Variants in TP53I11 observed in about 807,000 individuals in gnomAD.
TP53I11 encodes tumor protein p53-inducible protein 11.
TP53I11 carries 9 observed loss-of-function variants against 23.3 expected under a neutral mutation model. That is an observed-to-expected ratio of 0.39 (90% confidence interval 0.23 to 0.67). The LOEUF is 0.67. Ranked by LOEUF, TP53I11 falls within the 30% of genes least tolerant of loss-of-function variation. The pLI, the probability that TP53I11 is intolerant of heterozygous loss-of-function variation, is 0.48. For missense variants in TP53I11, 170 were observed against 255.2 expected, an observed-to-expected ratio of 0.67 and a Z score of 2.27; for synonymous variants, 100 against 106.1, an observed-to-expected ratio of 0.94 and a Z score of 0.35.
intron 1 of TP53I11, chr11:44,943,271 C>T: frequency 6.6e-6 from 1 of 152,398 alleles, no homozygotes; most frequent in Non-Finnish European, 1.5e-5. Context: ...CTCAGCCGTG[C>T]ACAGTGGAAA....
chr11:44,943,964 T>G (rs1168140561), intron 1 of TP53I11, among the ~76,000 whole-genome samples: 2 of 152,036 alleles, frequency 1.3e-5, no homozygotes, highest in Non-Finnish European at 2.9e-5. Context: ...CCAGGCCACA[T>G]GGAAGCTGGT....
intron 1 of TP53I11, 190 bp from the exon 2 acceptor site, chr11:44,938,556 G>A: frequency 1.7e-6 from 1 of 593,730 alleles, no homozygotes; most frequent in Non-Finnish European, 2.7e-6. Flanking sequence ...CCAGGCCCCT[G>A]AGGCTCTGGG....
intron 1 of TP53I11, among the ~76,000 whole-genome samples, chr11:44,945,974 T>A (rs896813527): frequency 6.6e-6 from 1 of 152,164 alleles, no homozygotes; most frequent in Non-Finnish European, 1.5e-5. Context: ...TGAATCCACT[T>A]GTCAATGGCT....
At chr11:44,945,930 T>C (rs974560633) in intron 1 of TP53I11, among the ~76,000 whole-genome samples, 1 of 152,192 alleles carries the variant, frequency 6.6e-6, no homozygotes, top group African/African-American at 2.4e-5. Context: ...AGAGATCCCC[T>C]AGCCCAGAAT....
At chr11:44,935,042 C>T in intron 6 of TP53I11, 25 bp from the exon 7 acceptor site, 1 of 1,612,372 alleles carries the variant, frequency 6.2e-7, no homozygotes, top group Non-Finnish European at 8.5e-7. Context: ...CCAGCAAGGC[C>T]ACAGGGTCAG....
intron 1 of TP53I11, among the ~76,000 whole-genome samples, chr11:44,942,047 A>C: frequency 7.3e-6 from 1 of 136,408 alleles, no homozygotes; most frequent in Non-Finnish European, 1.5e-5. Flanking sequence ...ACACATACAC[A>C]CCACACACAC....
intron 6 of TP53I11, 78 bp downstream of exon 6, chr11:44,935,483 A>AG: frequency 1.5e-6 from 2 of 1,343,752 alleles, no homozygotes; most frequent in Non-Finnish European, 2.1e-6. Flanking sequence ...CACTTCCCAC[A>AG]CACCCAGGTG....
rs1318063604 is a variant in TP53I11 at position 44,937,287 on chromosome 11, TG to T, written c.237+16del. ...CCACACGGGGCCAGATCTCAGGGGC[TG>T]GGGGTGGGGGCTCACCATGATGGCA... is the stretch of plus-strand genomic sequence containing the variant. On this transcript the variant is annotated intron_variant, in intron 4 of 6. Transcript: ENST00000525680. 9.9e-6 allele frequency: 15 copies of T among 1,519,218 alleles called. No homozygotes were observed. 94.1% of individuals were successfully genotyped at this position (1,519,218 alleles called of 1,614,324 possible). A position where few individuals can be genotyped will look rare whatever the true frequency, so the allele number is the denominator to read the frequency against.
At chr11:44,935,458 C>A in intron 6 of TP53I11, 103 bp downstream of exon 6, 2 of 1,066,476 alleles carry the variant, frequency 1.9e-6, no homozygotes, top group Non-Finnish European at 1.4e-6. Context: ...TAGCCCCCCA[C>A]AGACAGGTTT....
At chr11:44,938,846 C>A (rs1053786592) in intron 1 of TP53I11, among the ~76,000 whole-genome samples, 3 of 152,144 alleles carry the variant, frequency 2.0e-5, no homozygotes, top group Non-Finnish European at 4.4e-5. Flanking sequence ...GCCGGTGAGC[C>A]CCTCTCCCGT....
At chr11:44,940,813 A>G (rs1336243297) in intron 1 of TP53I11, 2 of 152,192 alleles carry the variant, frequency 1.3e-5, no homozygotes, top group Non-Finnish European at 2.9e-5. Context: ...TTTCAGAGAA[A>G]GCATCAAACT....
chr11:44,938,572 G>C (rs1349609466), intron 1 of TP53I11, among the ~76,000 whole-genome samples: 1 of 152,216 alleles, frequency 6.6e-6, no homozygotes, highest in Non-Finnish European at 1.5e-5. Context: ...CTGGGAGCTG[G>C]TCTGCTGTAG....
At chr11:44,940,003 G>T (rs1193424442) in intron 1 of TP53I11, among the ~76,000 whole-genome samples, 2 of 152,234 alleles carry the variant, frequency 1.3e-5, no homozygotes, top group Non-Finnish European at 2.9e-5. Context: ...ACCCTACCCT[G>T]CCAGGGAAGC....
At chr11:44,946,152 A>C (rs704673) in intron 1 of TP53I11, among the ~76,000 whole-genome samples, 151,829 of 152,322 alleles carry the variant, frequency 1, 75,671 homozygotes, top group Middle Eastern at 1. Flanking sequence ...GGCTAGAGAG[A>C]TAATCTAGAA....
chr11:44,950,157 G>A (rs1203502329), intron 1 of TP53I11: 1 of 152,356 alleles, frequency 6.6e-6, no homozygotes, highest in Non-Finnish European at 1.5e-5. Context: ...CGGGGGCAAA[G>A]ACTGGGGGAA....
In TP53I11 at chr11:44,950,855, G is replaced by C. The variant is rs1862903274; in HGVS notation, c.-210C>G. On this transcript the variant is annotated 5_prime_UTR_variant, in exon 1 of 7. Transcript: ENST00000525680. ...CCGGGCCGGCTGGACTGCGCGCGGC[G>C]CCCTGCGCGGCCGGGGCTTACCGAG... 6.6e-6 allele frequency: 1 copy of C among 152,396 alleles called. No homozygotes were observed. Among genetic ancestry groups the C allele is most frequent in the African/African-American group, 2.4e-5 (1 of 41,366 alleles). 9.4% of individuals were successfully genotyped at this position (152,396 alleles called of 1,614,324 possible). A position where few individuals can be genotyped will look rare whatever the true frequency, so the allele number is the denominator to read the frequency against.
intron 1 of TP53I11, among the ~76,000 whole-genome samples, chr11:44,949,536 G>T (rs1274817158): frequency 2.0e-5 from 3 of 152,186 alleles, no homozygotes; most frequent in Non-Finnish European, 4.4e-5. Context: ...CTCCGGCGGA[G>T]AAACCCACTC....
intron 1 of TP53I11, 46 bp from the exon 2 acceptor site, chr11:44,938,412 C>T: frequency 1.4e-6 from 2 of 1,464,596 alleles, no homozygotes; most frequent in Non-Finnish European, 1.8e-6. Context: ...ACCCAGCTTC[C>T]AGACCCTAGG....
chr11:44,946,046 C>T (rs1366152311), intron 1 of TP53I11, among the ~76,000 whole-genome samples: 2 of 152,198 alleles, frequency 1.3e-5, no homozygotes, highest in Non-Finnish European at 2.9e-5. Context: ...CACTACTAGG[C>T]TCGTGCCTTT....
Sources: gnomAD v4.1 joint callset for allele counts (sites outside exome capture counted in the v4.1 genomes callset) on GRCh38, gnomAD v4.1.1 for gene constraint, MANE v1.5 for transcripts, NCBI Gene and HGNC (gene_info 2026-07-23, HGNC 2026-07-21) for gene names.